The following ADGRB3 variants were observed in gnomAD, a reference collection of about 807,000 sequenced individuals.
The protein encoded by ADGRB3 is adhesion G protein-coupled receptor B3, also known as brain-specific angiogenesis inhibitor 3.
In ADGRB3, 37 loss-of-function variants were observed where a neutral mutation model predicts 193.4. The ratio of observed to expected loss-of-function variants is 0.19; its 90% CI spans 0.15 to 0.25. The LOEUF (loss-of-function observed/expected upper bound fraction) is 0.25. Among genes scored for constraint, ADGRB3 ranks in the 10% least tolerant of loss-of-function variants. The pLI, the probability that ADGRB3 is intolerant of heterozygous loss-of-function variation, is 1.00. For synonymous variants in ADGRB3, 690 were observed against 644.2 expected (o/e 1.07, Z -1.08); for missense variants, 1,637 against 1,852.9 (o/e 0.88, Z 2.14).
intron 3 of ADGRB3, among the ~76,000 whole-genome samples, chr6:68,720,223 G>C (rs935753708): frequency 6.6e-6 from 1 of 151,602 alleles, no homozygotes; most frequent in Non-Finnish European, 1.5e-5. Context: ...GATTTTTCTG[G>C]TTCTTCAACT....
intron 3 of ADGRB3, among the ~76,000 whole-genome samples, chr6:68,881,143 T>C (rs982574739): frequency 1.3e-5 from 2 of 150,328 alleles, no homozygotes; most frequent in African/African-American, 4.9e-5. Flanking sequence ...AACCCAGGTA[T>C]ACCCCCAGGT....
chr6:69,281,235 C>T (rs1582601926), intron 20 of ADGRB3, among the ~76,000 whole-genome samples: 1 of 152,174 alleles, frequency 6.6e-6, no homozygotes, highest in African/African-American at 2.4e-5. Context: ...AAAACATCCT[C>T]TGCCCACACA....
In ADGRB3 at chr6:69,089,602, T is replaced by C. The variant is rs992439930; in HGVS notation, c.2480+13564T>C. On this transcript the variant is annotated intron_variant, in intron 17 of 31. Transcript: ENST00000370598. ...AAAACTTATTGCTGATAAAGGAATT[T>C]CCAGTTAAGTGAGCTTATCTCTTTT... Among the ~76,000 whole-genome samples, 5 of 152,232 alleles carry C rather than the reference T, an allele frequency of 3.3e-5. No individual in the cohort carries two copies. In the East Asian group the frequency reaches 9.6e-4, roughly 29 times the overall value.
At chr6:68,636,135 C>G (rs1362997489) in intron 1 of ADGRB3, 135 bp downstream of exon 1, 1 of 152,214 alleles carries the variant, frequency 6.6e-6, no homozygotes, top group Non-Finnish European at 1.5e-5. Flanking sequence ...GTGAGCAGAT[C>G]CGACTGTCTG....
intron 26 of ADGRB3, among the ~76,000 whole-genome samples, chr6:69,350,850 C>T (rs890013257): frequency 6.6e-6 from 1 of 151,868 alleles, no homozygotes; most frequent in Non-Finnish European, 1.5e-5. Flanking sequence ...TATTCTTCAT[C>T]AGCACAATTC....
At chr6:68,862,683 T>C (rs1320351383) in intron 3 of ADGRB3, among the ~76,000 whole-genome samples, 2 of 152,174 alleles carry the variant, frequency 1.3e-5, no homozygotes, top group African/African-American at 4.8e-5. Context: ...TACTTTTAGT[T>C]TAAAGGTCTG....
intron 11 of ADGRB3, among the ~76,000 whole-genome samples, chr6:69,010,692 G>A (rs1057214024): frequency 4.0e-5 from 6 of 149,756 alleles, no homozygotes; most frequent in Non-Finnish European, 3.0e-5. Flanking sequence ...GGTCTGCCTC[G>A]TTCAAACTCC....
At chr6:68,982,661 C>G (rs536829122) in intron 10 of ADGRB3, among the ~76,000 whole-genome samples, 17 of 152,248 alleles carry the variant, frequency 1.1e-4, no homozygotes, top group African/African-American at 4.1e-4. Flanking sequence ...GGGAAAATTG[C>G]AATTCTGCAT....
At chr6:69,353,820 T>C (rs1287217394) in intron 26 of ADGRB3, among the ~76,000 whole-genome samples, 1 of 152,084 alleles carries the variant, frequency 6.6e-6, no homozygotes, top group Non-Finnish European at 1.5e-5. Flanking sequence ...TCCCAGCACT[T>C]TGAGGGGCCG....
intron 15 of ADGRB3, among the ~76,000 whole-genome samples, chr6:69,053,026 A>C (rs1235433457): frequency 1.3e-5 from 2 of 152,148 alleles, no homozygotes; most frequent in African/African-American, 4.8e-5. Flanking sequence ...TCTTTACTAA[A>C]AATACAAAAA....
At chr6:68,696,355 A>G (rs763348215) in intron 3 of ADGRB3, among the ~76,000 whole-genome samples, 4 of 151,722 alleles carry the variant, frequency 2.6e-5, no homozygotes, top group Non-Finnish European at 4.4e-5. Flanking sequence ...AAAGCCATCT[A>G]TAAGTTGGAT....
intron 3 of ADGRB3, among the ~76,000 whole-genome samples, chr6:68,910,256 T>C (rs573778817): frequency 2.6e-4 from 39 of 152,360 alleles, no homozygotes; most frequent in African/African-American, 8.9e-4. Context: ...TGGGGTTGTT[T>C]GTTTTTTTCT....
At chr6:69,285,595 C>A (rs936495241) in intron 20 of ADGRB3, among the ~76,000 whole-genome samples, 1 of 151,976 alleles carries the variant, frequency 6.6e-6, no homozygotes, top group Non-Finnish European at 1.5e-5. Context: ...TGCTTGAACC[C>A]GGGAGGCAGA....
At chr6:69,038,007 A>G (rs1164668220) in intron 13 of ADGRB3, among the ~76,000 whole-genome samples, 1 of 152,062 alleles carries the variant, frequency 6.6e-6, no homozygotes, top group African/African-American at 2.4e-5. Flanking sequence ...TCACAGGTGT[A>G]TTTGTTCATT....
intron 3 of ADGRB3, among the ~76,000 whole-genome samples, chr6:68,662,894 C>T (rs1041604402): frequency 6.6e-6 from 1 of 150,828 alleles, no homozygotes; most frequent in African/African-American, 2.4e-5. Flanking sequence ...AAAAAATTAA[C>T]TCCCAAGGTT....
At chr6:68,927,621 G>A (rs1270741255) in intron 3 of ADGRB3, among the ~76,000 whole-genome samples, 2 of 152,104 alleles carry the variant, frequency 1.3e-5, no homozygotes, top group African/African-American at 2.4e-5. Context: ...TTGAAACATG[G>A]GACGTAAACT....
chr6:69,181,914 A>G (rs1226735964), intron 17 of ADGRB3, among the ~76,000 whole-genome samples: 1 of 152,198 alleles, frequency 6.6e-6, no homozygotes, highest in Non-Finnish European at 1.5e-5. Flanking sequence ...CTTAGTTAGC[A>G]TTGTTTCCAA....
chr6:68,978,574 C>T (rs926762324), intron 10 of ADGRB3, among the ~76,000 whole-genome samples: 5 of 151,416 alleles, frequency 3.3e-5, no homozygotes, highest in African/African-American at 1.2e-4. Context: ...GCCTCATCAT[C>T]CACACTCTGC....
chr6:68,676,316 G>C (rs1332176593), intron 3 of ADGRB3, among the ~76,000 whole-genome samples: 2 of 151,336 alleles, frequency 1.3e-5, no homozygotes, highest in African/African-American at 2.4e-5. Context: ...GCTTGAACCG[G>C]GGAGTGGGAG....
Sources: gnomAD v4.1 joint callset for allele counts (sites outside exome capture counted in the v4.1 genomes callset) on GRCh38, gnomAD v4.1.1 for gene constraint, MANE v1.5 for transcripts, NCBI Gene and HGNC (gene_info 2026-07-23, HGNC 2026-07-21) for gene names.